The following GALNT13 variants were observed in gnomAD, a reference collection of about 807,000 sequenced individuals.
GALNT13 encodes the protein UDP-GalNAc:polypeptide N-acetylgalactosaminyltransferase 13.
In GALNT13, 28 loss-of-function variants were observed where a neutral mutation model predicts 64.2. That is an observed-to-expected ratio of 0.44 (90% CI 0.32 to 0.60). The LOEUF (loss-of-function observed/expected upper bound fraction) is 0.60, where lower values mean the gene tolerates loss of function less well. GALNT13 is among the 20% of genes least tolerant of loss of function. GALNT13 has a pLI of 0.05. For missense variants in GALNT13, 577 were observed against 669.8 expected (o/e 0.86, Z 1.53); for synonymous variants, 214 against 224.6 (o/e 0.95, Z 0.42).
the GALNT13 span, among the ~76,000 whole-genome samples, chr2:153,222,327 T>TGGGGGGGGGGGGGGGG: frequency 4.2e-5 from 4 of 95,580 alleles, no homozygotes; most frequent in African/African-American, 4.3e-5. Context: ...GGGGGGGGGG[T>TGGGGGGGGGGGGGGGG]GGGGTGGGGG....
chr2:154,145,047 G>GT (rs1442960823), intron 4 of GALNT13, among the ~76,000 whole-genome samples: 1 of 56,218 alleles, frequency 1.8e-5, no homozygotes. Flanking sequence ...TATTTATGTA[G>GT]TTCTCTCTCT....
intron 8 of GALNT13, among the ~76,000 whole-genome samples, chr2:154,290,493 T>G (rs1435756398): frequency 6.6e-6 from 1 of 152,194 alleles, no homozygotes; most frequent in Non-Finnish European, 1.5e-5. Flanking sequence ...GGACATGCCT[T>G]CCTTTCTGTT....
the GALNT13 span, among the ~76,000 whole-genome samples, chr2:153,630,261 A>G: frequency 6.6e-6 from 1 of 152,000 alleles, no homozygotes; most frequent in African/African-American, 2.4e-5. Context: ...ATGTCCAACA[A>G]TGATAGACTG....
At chr2:153,473,857 C>T in the GALNT13 span, among the ~76,000 whole-genome samples, 1 of 152,142 alleles carries the variant, frequency 6.6e-6, no homozygotes, top group South Asian at 2.1e-4. Context: ...TCTTCAAACA[C>T]CCTAGTAGTT....
chr2:153,622,466 T>C, the GALNT13 span, among the ~76,000 whole-genome samples: 1 of 152,124 alleles, frequency 6.6e-6, no homozygotes, highest in Non-Finnish European at 1.5e-5. Flanking sequence ...TCTTTAGAAA[T>C]TGAGGAAGCC....
chr2:153,082,610 TATATATATACACACACAC>T, the GALNT13 span, among the ~76,000 whole-genome samples: 32 of 43,400 alleles, frequency 7.4e-4, no homozygotes, highest in Admixed American at 1.2e-3. Context: ...TATATATATA[TATATATATACACACACAC>T]ACACACACAC....
the GALNT13 span, among the ~76,000 whole-genome samples, chr2:153,252,217 A>G: frequency 1.5e-3 from 219 of 145,134 alleles, no homozygotes; most frequent in African/African-American, 5.2e-3. Context: ...TTCTCTGATG[A>G]CCAGTGATGG....
At chr2:153,976,405 A>G (rs1471548498) in intron 3 of GALNT13, among the ~76,000 whole-genome samples, 1 of 152,116 alleles carries the variant, frequency 6.6e-6, no homozygotes, top group African/African-American at 2.4e-5. Flanking sequence ...AATCAATTTT[A>G]TCTTTGTAAA....
At chr2:154,016,977 G>A (rs1373336711) in intron 3 of GALNT13, among the ~76,000 whole-genome samples, 1 of 152,094 alleles carries the variant, frequency 6.6e-6, no homozygotes, top group Non-Finnish European at 1.5e-5. Context: ...GGCTGGGTAA[G>A]AAACTACAAG....
chr2:153,788,964 C>G, the GALNT13 span, among the ~76,000 whole-genome samples: 4 of 152,186 alleles, frequency 2.6e-5, no homozygotes, highest in African/African-American at 4.8e-5. Flanking sequence ...GTTCTAAGGA[C>G]CTTCAAAGAC....
the GALNT13 span, among the ~76,000 whole-genome samples, chr2:153,327,049 A>C: frequency 1.3e-5 from 2 of 152,174 alleles, no homozygotes; most frequent in East Asian, 1.9e-4. Context: ...GGGCCACTGC[A>C]CTCCAGCCTG....
intron 4 of GALNT13, among the ~76,000 whole-genome samples, chr2:154,189,013 G>A (rs1030793118): frequency 5.3e-5 from 8 of 151,978 alleles, no homozygotes; most frequent in Admixed American, 3.9e-4. Context: ...ATAAAAAAAC[G>A]GGCTTAATAA....
chr2:154,267,876 A>G (rs1021629769), intron 8 of GALNT13, among the ~76,000 whole-genome samples: 17 of 152,204 alleles, frequency 1.1e-4, no homozygotes, highest in Admixed American at 9.8e-4. Flanking sequence ...ATGGCAAATA[A>G]GCAATTGAGT....
chr2:153,237,169 T>C, the GALNT13 span, among the ~76,000 whole-genome samples: 22,399 of 152,050 alleles, frequency 0.15, 2,087 homozygotes, highest in Non-Finnish European at 0.21. Context: ...TTGCTTCTTA[T>C]GGATGAGCAA....
the GALNT13 span, among the ~76,000 whole-genome samples, chr2:153,485,773 G>A: frequency 6.6e-6 from 1 of 152,058 alleles, no homozygotes; most frequent in Non-Finnish European, 1.5e-5. Context: ...GGTGGTGCAT[G>A]CCTATAGTCC....
chr2:153,116,140 G>T, the GALNT13 span, among the ~76,000 whole-genome samples: 2 of 152,104 alleles, frequency 1.3e-5, no homozygotes, highest in Non-Finnish European at 2.9e-5. Context: ...AATCTAAATT[G>T]GGTTTTCTTG....
chr2:153,150,418 T>C, the GALNT13 span, among the ~76,000 whole-genome samples: 2 of 152,230 alleles, frequency 1.3e-5, no homozygotes, highest in South Asian at 4.1e-4. Context: ...TCCCATTCTG[T>C]AGGTTGCCTG....
chr2:153,834,187 C>T, the GALNT13 span, among the ~76,000 whole-genome samples: 2 of 152,022 alleles, frequency 1.3e-5, no homozygotes, highest in African/African-American at 4.8e-5. Context: ...ACTCCCAGGA[C>T]CCAGAGAATG....
chr2:153,313,636 C>T, the GALNT13 span, among the ~76,000 whole-genome samples: 1 of 152,102 alleles, frequency 6.6e-6, no homozygotes, highest in South Asian at 2.1e-4. Flanking sequence ...ATTTGTACAA[C>T]AAACTCTTGT....
Sources: gnomAD v4.1 joint callset for allele counts (sites outside exome capture counted in the v4.1 genomes callset) on GRCh38, gnomAD v4.1.1 for gene constraint, MANE v1.5 for transcripts, NCBI Gene and HGNC (gene_info 2026-07-23, HGNC 2026-07-21) for gene names.